TMEM209: variants seen among roughly 807,000 people sequenced by gnomAD.
TMEM209 encodes transmembrane protein 209.
Under a neutral mutation model 76.2 loss-of-function variants are expected in TMEM209, and 65 were observed. The observed-to-expected ratio is 0.85, with a 90% CI of 0.70 to 1.05. TMEM209 has a LOEUF of 1.05. Ranked by LOEUF, TMEM209 falls within the 50% of genes least tolerant of loss-of-function variation. The probability of loss-of-function intolerance (pLI) is 0.00; values close to 1 mark genes in which losing one functional copy is unlikely to be tolerated. For missense variants in TMEM209, 623 were observed against 685.5 expected (o/e 0.91, Z 1.02); for synonymous variants, 239 against 237.6 (o/e 1.01, Z -0.06).
chr7:130,171,687 G>A (rs1452073210), intron 13 of TMEM209, among the ~76,000 whole-genome samples: 4 of 152,132 alleles, frequency 2.6e-5, no homozygotes, highest in Non-Finnish European at 4.4e-5. Flanking sequence ...AAAGATGCTG[G>A]TAACAAAAAT....
intron 6 of TMEM209, chr7:130,192,235 T>C (rs952982380): frequency 5.3e-6 from 1 of 189,596 alleles, no homozygotes; most frequent in Non-Finnish European, 1.1e-5. Flanking sequence ...CTCGAGTAAA[T>C]ACATGTTCTC....
At chr7:130,175,907 T>G (rs1797220600) in intron 10 of TMEM209, among the ~76,000 whole-genome samples, 1 of 152,094 alleles carries the variant, frequency 6.6e-6, no homozygotes, top group Non-Finnish European at 1.5e-5. Context: ...AGAAAACTAT[T>G]ATTTTTTAAA....
At chr7:130,171,471 T>C (rs894482291) in intron 13 of TMEM209, among the ~76,000 whole-genome samples, 6 of 152,080 alleles carry the variant, frequency 3.9e-5, no homozygotes, top group Non-Finnish European at 7.4e-5. Flanking sequence ...TAAAAGATAA[T>C]GTTTACACTG....
At chr7:130,173,979 A>G (rs761962762) in intron 11 of TMEM209, 40 bp from the exon 12 acceptor site, 1 of 1,348,728 alleles carries the variant, frequency 7.4e-7, no homozygotes, top group South Asian at 1.2e-5. Flanking sequence ...GTCAGCATGA[A>G]AATCTAGCAT....
At chr7:130,188,528 G>A (rs1363850393) in intron 6 of TMEM209, among the ~76,000 whole-genome samples, 6 of 148,000 alleles carry the variant, frequency 4.1e-5, no homozygotes, top group South Asian at 2.2e-4. Flanking sequence ...CCCGGGAGGC[G>A]GAGCTTGCAG....
intron 1 of TMEM209, 65 bp from the exon 2 acceptor site, chr7:130,204,175 T>C: frequency 6.6e-7 from 1 of 1,515,120 alleles, no homozygotes; most frequent in Non-Finnish European, 8.8e-7. Flanking sequence ...AAAAACCAAA[T>C]TTTGCATCCC....
chr7:130,176,674 A>G (rs908069788), intron 10 of TMEM209, among the ~76,000 whole-genome samples: 6 of 152,180 alleles, frequency 3.9e-5, no homozygotes, highest in Non-Finnish European at 7.3e-5. Flanking sequence ...AGTTCTTCTG[A>G]CAAATAAATT....
chr7:130,192,021 T>C (rs1000146722), intron 6 of TMEM209, among the ~76,000 whole-genome samples: 1 of 152,168 alleles, frequency 6.6e-6, no homozygotes, highest in Non-Finnish European at 1.5e-5. Context: ...TAGCGCCTAA[T>C]ATGCTTTCGT....
rs568829208 is a variant in TMEM209, at chr7:130,192,045, G to A, written c.775+577C>T. Among the ~76,000 whole-genome samples the A allele has an allele frequency of 3.3e-5, 5 of 152,158 alleles. No individual in the cohort carries two copies. The South Asian group carries it at 1.0e-3, about 32-fold the overall frequency. ...ATATGCTTTCGTGAAAGTTCCTGAC[G>A]GGGGAAAAATCATTACTCAGTTCAA... On this transcript the variant is annotated intron_variant, in intron 6 of 14. Coordinates refer to ENST00000397622, the MANE Select transcript of TMEM209 (RefSeq NM_032842.4).
intron 13 of TMEM209, 74 bp from the exon 14 acceptor site, chr7:130,170,547 T>C: frequency 9.2e-7 from 1 of 1,088,930 alleles, no homozygotes; most frequent in Non-Finnish European, 1.4e-6. Flanking sequence ...ATACATATCT[T>C]ATCAATTCAT....
intron 1 of TMEM209, 88 bp from the exon 2 acceptor site, chr7:130,204,198 C>T: frequency 1.4e-6 from 2 of 1,387,122 alleles, no homozygotes; most frequent in African/African-American, 1.5e-5. Context: ...ATAAAGGTAA[C>T]TGAAACCGCA....
In TMEM209 at chr7:130,167,869, G is replaced by A. The variant is rs1219613907; in HGVS notation, c.1632-1364C>T. 2.0e-5 allele frequency among the ~76,000 whole-genome samples: 3 copies of A among 152,016 alleles called. No homozygotes were observed. The East Asian group carries it at 5.8e-4, about 29-fold the overall frequency. ...GTTATAGGAAAGTTTTTAACTATTT[G>A]TTTTAGGATGTATTTGAAAAAATAT... On this transcript the variant is annotated intron_variant, in intron 14 of 14. Transcript: ENST00000397622.
intron 13 of TMEM209, among the ~76,000 whole-genome samples, chr7:130,173,293 G>A (rs112601736): frequency 0.01 from 1,586 of 152,118 alleles, 22 homozygotes; most frequent in African/African-American, 0.036. Flanking sequence ...AATGAGCTAT[G>A]ATCATGCCAC....
At chr7:130,179,296 C>A (rs564490730) in intron 9 of TMEM209, among the ~76,000 whole-genome samples, 1 of 152,244 alleles carries the variant, frequency 6.6e-6, no homozygotes, top group South Asian at 2.1e-4. Context: ...GAACCATTCC[C>A]AGCAAGATAG....
chr7:130,175,674 T>G (rs1797212087), intron 10 of TMEM209, 65 bp from the exon 11 acceptor site: 1 of 1,242,974 alleles, frequency 8.0e-7, no homozygotes. Context: ...AAAAAAAAGC[T>G]AAGGGAATAT....
intron 13 of TMEM209, among the ~76,000 whole-genome samples, chr7:130,172,012 G>A (rs1212336286): frequency 3.9e-5 from 6 of 151,948 alleles, no homozygotes; most frequent in Non-Finnish European, 7.4e-5. Context: ...CAGCCTGGGT[G>A]ACAGAGCAAG....
rs138646578 is a variant in TMEM209, at chr7:130,174,805, T to A, written c.1344+707A>T. Among the ~76,000 whole-genome samples, 5 of 152,260 alleles carry A rather than the reference T, an allele frequency of 3.3e-5. No homozygotes were observed. The East Asian group carries it at 7.7e-4, about 23-fold the overall frequency. ...TCAAAAAACAAGTAAAAATTCCTTC[T>A]CCACCACAAGTGTCTCAAACTTTTA... On this transcript the variant is annotated intron_variant, in intron 11 of 14. Transcript: ENST00000397622.
At chr7:130,191,641 C>A (rs1242412125) in intron 6 of TMEM209, among the ~76,000 whole-genome samples, 2 of 152,066 alleles carry the variant, frequency 1.3e-5, no homozygotes, top group Non-Finnish European at 2.9e-5. Context: ...AAAAAGGTAA[C>A]CAAGCCTTTT....
intron 5 of TMEM209, among the ~76,000 whole-genome samples, chr7:130,196,586 G>A (rs1241762432): frequency 6.6e-6 from 1 of 152,136 alleles, no homozygotes; most frequent in Admixed American, 6.5e-5. Flanking sequence ...TGTTTTTGAA[G>A]TAAAGGGGTA....
Sources: allele counts gnomAD v4.1 joint callset (sites outside exome capture counted in the v4.1 genomes callset), GRCh38; gene constraint gnomAD v4.1.1; transcripts MANE v1.5; gene names NCBI Gene and HGNC (gene_info 2026-07-23, HGNC 2026-07-21).